Variants in EPHA2 observed in about 807,000 individuals in gnomAD.
EPHA2 encodes the protein ephrin type-A receptor 2.
In EPHA2, 54 loss-of-function variants were observed where a neutral mutation model predicts 104.9. The ratio of observed to expected loss-of-function variants is 0.51; its 90% confidence interval spans 0.41 to 0.65. EPHA2 has a LOEUF of 0.65. Ranked by LOEUF, EPHA2 falls within the 30% of genes least tolerant of loss-of-function variation. The pLI is 0.00. For missense variants in EPHA2, 1,117 were observed against 1,369.5 expected (o/e 0.82, Z 2.91); for synonymous variants, 560 against 559.1 (o/e 1.00, Z -0.02).
rs1386189620 is a variant in EPHA2 at position 16,148,932 on chromosome 1, TCTC to T, written c.266_268del (p.Gly89del). 2 of 1,614,020 alleles carry T rather than the reference TCTC, an allele frequency of 1.2e-6. No homozygotes were observed. Among genetic ancestry groups the T allele is most frequent in the Non-Finnish European group, 8.5e-7 (1 of 1,180,066 alleles). ...GAGCTCAATGAAGATACGCTCAGCC[TCTC>T]CTCGGTACACCCAGTTGGTGCGGAG... On this transcript the variant is annotated inframe_deletion, in exon 3 of 17. Coordinates refer to ENST00000358432, the MANE Select transcript of EPHA2 (RefSeq NM_004431.5). This position sits in a 1 kb window ranked among gnomAD's most constrained non-coding sequence, Gnocchi z 4.9.
chr1:16,132,331 G>C (rs771544356), intron 12 of EPHA2, 47 bp downstream of exon 12: 1 of 1,614,064 alleles, frequency 6.2e-7, no homozygotes, highest in Admixed American at 1.7e-5. Flanking sequence ...GGCCAGCCCC[G>C]GGCTCAATGG....
intron 3 of EPHA2, among the ~76,000 whole-genome samples, chr1:16,141,783 G>A (rs1241639243): frequency 6.6e-6 from 1 of 152,260 alleles, no homozygotes; most frequent in Non-Finnish European, 1.5e-5. Flanking sequence ...GCCTGCTGCC[G>A]CCAGGAAAGA....
intron 12 of EPHA2, 34 bp downstream of exon 12, chr1:16,132,344 A>G (rs373342266): frequency 5.6e-6 from 9 of 1,613,994 alleles, no homozygotes; most frequent in Admixed American, 1.7e-5. Flanking sequence ...CTCAATGGCC[A>G]GGCATCCCCG....
At chr1:16,154,756 CAAAAAA>C (rs558609049) in intron 1 of EPHA2, among the ~76,000 whole-genome samples, 5 of 66,870 alleles carry the variant, frequency 7.5e-5, no homozygotes, top group Admixed American at 3.7e-4. Context: ...AACTCCGTCT[CAAAAAA>C]AAAAAAAAAA....
chr1:16,132,544 C>T (rs1478904454), intron 11 of EPHA2, 105 bp from the exon 12 acceptor site: 10 of 1,280,354 alleles, frequency 7.8e-6, no homozygotes, highest in Non-Finnish European at 1.1e-5. Flanking sequence ...GAGGTGGGCA[C>T]AGGTGTGGGG....
At chr1:16,145,935 T>C (rs2024923656) in intron 3 of EPHA2, among the ~76,000 whole-genome samples, 1 of 152,216 alleles carries the variant, frequency 6.6e-6, no homozygotes, top group Non-Finnish European at 1.5e-5. Context: ...TCACAGTCCC[T>C]GCCACGCAGA....
intron 16 of EPHA2, among the ~76,000 whole-genome samples, chr1:16,127,352 C>A (rs751814272): frequency 1.3e-5 from 2 of 152,176 alleles, no homozygotes; most frequent in Non-Finnish European, 2.9e-5. Flanking sequence ...GGTGCAACAT[C>A]CACGCCTTTC....
chr1:16,154,301 G>A (rs1295691666), intron 1 of EPHA2, among the ~76,000 whole-genome samples: 1 of 152,138 alleles, frequency 6.6e-6, no homozygotes, highest in Non-Finnish European at 1.5e-5. Context: ...CCTGCAACCA[G>A]AAGTCCCGGT....
chr1:16,137,749 C>T (rs2024741605), intron 5 of EPHA2, 104 bp downstream of exon 5: 2 of 1,400,322 alleles, frequency 1.4e-6, no homozygotes, highest in Admixed American at 3.7e-5. Flanking sequence ...TAACCACTTG[C>T]TCTGCTGCCT....
chr1:16,150,680 A>C lies in EPHA2; in HGVS notation c.153+216T>G, dbSNP rs1410245144. Reference sequence around the variant, plus strand: ...CCAGTTCCCCCCACCTCTCAGGCTTACACCCACACCCTCGTACCTTCCCAC... The same window carrying C: ...CCAGTTCCCCCCACCTCTCAGGCTTCCACCCACACCCTCGTACCTTCCCAC... On this transcript the variant is annotated intron_variant, in intron 2 of 16. Transcript: ENST00000358432. The surrounding 1 kb of genome is among the most constrained non-coding windows in gnomAD (Gnocchi z 4.8). Among the ~76,000 whole-genome samples, 3 of 152,060 alleles carry C rather than the reference A, an allele frequency of 2.0e-5. No homozygotes were observed. The highest frequency in any genetic ancestry group is 6.5e-5 in the Admixed American group (1 of 15,268).
intron 3 of EPHA2, among the ~76,000 whole-genome samples, chr1:16,142,766 G>A (rs1160933055): frequency 6.6e-6 from 1 of 150,656 alleles, no homozygotes; most frequent in Admixed American, 6.6e-5. Context: ...TGGACAAGTG[G>A]ATGGGTGGGT....
In EPHA2 at chr1:16,141,156, C is replaced by T. The variant is rs1305149877; in HGVS notation, c.824-2726G>A. Among the ~76,000 whole-genome samples the T allele has an allele frequency of 3.3e-5, 5 of 152,294 alleles. No individual in the cohort carries two copies. In the South Asian group the frequency reaches 1.0e-3, roughly 32 times the overall value. ...CACTTCAAAAGCCAGAAACTCCTGA[C>T]GAATTTCAGAGCAGCTGTGGGTCTA... On this transcript the variant is annotated intron_variant, in intron 3 of 16. Transcript: ENST00000358432.
At chr1:16,132,478 C>T in intron 11 of EPHA2, 39 bp from the exon 12 acceptor site, 1 of 1,611,474 alleles carries the variant, frequency 6.2e-7, no homozygotes, top group African/African-American at 1.3e-5. Context: ...TAAGTGGGCC[C>T]AGGCATGTGG....
chr1:16,155,873 C>G lies in EPHA2; in HGVS notation c.60G>C (p.Ala20=). 3.4e-6 allele frequency: 5 copies of G among 1,461,168 alleles called. No individual in the cohort carries two copies. The highest frequency in any genetic ancestry group is 4.5e-6 in the Non-Finnish European group (5 of 1,113,390). The allele number at this position is 1,461,168 out of a possible 1,614,324, so 90.5% of individuals were successfully genotyped here. Residue 20 remains alanine (A), a synonymous_variant, in exon 1 of 17, where the codon GCG becomes GCC. Coordinates refer to ENST00000358432, the MANE Select transcript of EPHA2 (RefSeq NM_004431.5). ...FALLWGCALA[A]AAAAQGKEVV... Reference sequence around the variant, plus strand: ...CTTCCTTGCCCTGCGCCGCCGCGGCCGCGGCCAGCGCACAGCCCCACAGCA... The same window carrying G: ...CTTCCTTGCCCTGCGCCGCCGCGGCGGCGGCCAGCGCACAGCCCCACAGCA...
rs2024663902 is a variant in EPHA2, at chr1:16,135,408, G to A, written c.1429-219C>T. Among the ~76,000 whole-genome samples the A allele has an allele frequency of 6.6e-6, 1 of 152,108 alleles. No homozygotes were observed. Among genetic ancestry groups the A allele is most frequent in the Non-Finnish European group, 1.5e-5 (1 of 68,018 alleles). On this transcript the variant is annotated intron_variant, in intron 6 of 16. Coordinates refer to ENST00000358432, the MANE Select transcript of EPHA2 (RefSeq NM_004431.5). The surrounding 1 kb of genome is among the most constrained non-coding windows in gnomAD (Gnocchi z 4.3). ...GCCAGGACTCAAACTGAGTGTGTGG[G>A]GTCCCAAAATTCTGCCCCTGTCCTC...
In EPHA2 at chr1:16,132,317, G is replaced by T. The variant is rs565871197; in HGVS notation, c.2116-44C>A. Reference sequence around the variant, plus strand: ...TCAGCTGCAGGCCAGCCCTGAACCCGCCAGGCCAGCCCCGGGCTCAATGGC... The same window carrying T: ...TCAGCTGCAGGCCAGCCCTGAACCCTCCAGGCCAGCCCCGGGCTCAATGGC... On this transcript the variant is annotated intron_variant, in intron 12 of 16. Coordinates refer to ENST00000358432, the MANE Select transcript of EPHA2 (RefSeq NM_004431.5). 2.2e-5 allele frequency: 36 copies of T among 1,613,968 alleles called. No individual in the cohort carries two copies. In the South Asian group the frequency reaches 3.4e-4, roughly 15 times the overall value.
At position 16,125,022 on chromosome 1, in the gene EPHA2, G is replaced by A. The variant is rs1243140536; in HGVS notation, c.*193C>T. 1 of 627,844 alleles carries A rather than the reference G, an allele frequency of 1.6e-6. No homozygotes were observed. The highest frequency in any genetic ancestry group is 1.8e-5 in the African/African-American group (1 of 55,084). 38.9% of individuals were successfully genotyped at this position (627,844 alleles called of 1,614,324 possible). On this transcript the variant is annotated 3_prime_UTR_variant, in exon 17 of 17. Transcript: ENST00000358432. The surrounding 1 kb of genome is among the most constrained non-coding windows in gnomAD (Gnocchi z 4.9). ...TGTGTGCGTCTCGCAGGGAAAGAGG[G>A]CCCAGCCCAGCATCCCTGGTCATCT...
chr1:16,134,634 C>A lies in EPHA2; in HGVS notation c.1583-67G>T, dbSNP rs2024646653. The A allele has an allele frequency of 6.6e-7, 1 of 1,511,648 alleles. No individual in the cohort carries two copies. The allele number at this position is 1,511,648 out of a possible 1,614,324, so 93.6% of individuals were successfully genotyped here. ...AAATTACAGCAACACCCGCGCTGCA[C>A]CCAAGACACCTGGGCCCCTACTGTG... On this transcript the variant is annotated intron_variant, in intron 7 of 16. Transcript: ENST00000358432. The surrounding 1 kb of genome is among the most constrained non-coding windows in gnomAD (Gnocchi z 4.5).
At chr1:16,145,966 C>CAT (rs2024924556) in intron 3 of EPHA2, among the ~76,000 whole-genome samples, 1 of 152,196 alleles carries the variant, frequency 6.6e-6, no homozygotes, top group South Asian at 2.1e-4. Flanking sequence ...GGATTCCGCT[C>CAT]GCATGTCTGA....
Sources: gnomAD v4.1 joint callset for allele counts (sites outside exome capture counted in the v4.1 genomes callset) on GRCh38, gnomAD v4.1.1 for gene constraint, Gnocchi (gnomAD v3.1) non-coding constraint, MANE v1.5 for transcripts, NCBI Gene and HGNC (gene_info 2026-07-23, HGNC 2026-07-21) for gene names.